DNAH8: variants seen among roughly 807,000 people sequenced by gnomAD.
DNAH8 encodes dynein axonemal heavy chain 8, also known as axonemal beta dynein heavy chain 8.
Under a neutral mutation model 562.1 loss-of-function variants are expected in DNAH8, and 382 were observed. That is an observed-to-expected ratio of 0.68 (90% CI 0.63 to 0.74). The LOEUF (loss-of-function observed/expected upper bound fraction) is 0.74. Among genes scored for constraint, DNAH8 ranks in the 30% least tolerant of loss-of-function variants. The pLI, the probability that DNAH8 is intolerant of heterozygous loss-of-function variation, is 0.00. For missense variants in DNAH8, 5,203 were observed against 5,620.4 expected (o/e 0.93, Z 2.37); for synonymous variants, 1,881 against 1,919.4 (o/e 0.98, Z 0.52).
chr6:38,782,993 T>A lies in DNAH8; in HGVS notation c.2260-11T>A, dbSNP rs1370878423. On this transcript the variant is annotated splice_polypyrimidine_tract_variant and intron_variant, in intron 16 of 92. Transcript: ENST00000327475. ...GTCTTTTAAAGTAAATCTTTTCCCT[T>A]AAAAAAACAGAAAAACTCAGACATT... 10 of 1,608,758 alleles carry A rather than the reference T, an allele frequency of 6.2e-6. No individual in the cohort carries two copies. In the Middle Eastern group the frequency reaches 6.6e-4, roughly 106 times the overall value.
At chr6:38,842,965 G>T (rs1405705750) in intron 35 of DNAH8, 62 bp downstream of exon 35, 3 of 1,565,006 alleles carry the variant, frequency 1.9e-6, no homozygotes, top group Admixed American at 3.5e-5. Context: ...TTTCTTTTCT[G>T]GGAGTTGTAC....
At position 39,020,176 on chromosome 6, in the gene DNAH8, G is replaced by A. The variant is rs1766818828; in HGVS notation, c.13715-6370G>A. 3.9e-5 allele frequency among the ~76,000 whole-genome samples: 6 copies of A among 152,114 alleles called. No homozygotes were observed. The South Asian group carries it at 1.2e-3, about 32-fold the overall frequency. ...TAGTCCCAACTCTCCTGTTTATACC[G>A]AAGTTTTACTGGAGCCAATTATGTC... On this transcript the variant is annotated intron_variant, in intron 91 of 92. Coordinates refer to ENST00000327475, the MANE Select transcript of DNAH8 (RefSeq NM_001206927.2).
chr6:38,908,472 A>G (rs751426761), intron 64 of DNAH8, among the ~76,000 whole-genome samples: 4 of 152,116 alleles, frequency 2.6e-5, no homozygotes, highest in Admixed American at 1.3e-4. Context: ...GAAAATCTCT[A>G]TCTCATTGTG....
At chr6:38,801,192 T>G (rs1019695150) in intron 21 of DNAH8, among the ~76,000 whole-genome samples, 1 of 152,230 alleles carries the variant, frequency 6.6e-6, no homozygotes. Context: ...TTCTGAAATT[T>G]TACGTCTATA....
intron 21 of DNAH8, among the ~76,000 whole-genome samples, chr6:38,801,434 A>G (rs776241857): frequency 6.6e-6 from 1 of 152,200 alleles, no homozygotes; most frequent in Non-Finnish European, 1.5e-5. Context: ...TGGATATATC[A>G]TGGGGATGCC....
chr6:38,889,084 T>C (rs572223167), intron 57 of DNAH8, among the ~76,000 whole-genome samples: 8 of 152,332 alleles, frequency 5.3e-5, no homozygotes, highest in African/African-American at 1.9e-4. Flanking sequence ...AAAATGCTCA[T>C]AGTGCAGCGT....
At position 38,911,487 on chromosome 6, in the gene DNAH8, G is replaced by T; in HGVS notation, c.9760G>T (p.Val3254Leu). The change falls in exon 66 of 93, where the codon GTG becomes TTG. Residue 3254 changes from valine to leucine, a missense_variant. By Grantham distance (32) the Val-to-Leu change is conservative. Around this residue, in one of 6 missense-constraint regions of DNAH8, gnomAD observed 977 missense variants for 1,061.8 expected, o/e 0.92. Transcript: ENST00000327475. ...TTTCAGATACCGCCGAAGAGCACAT[G>T]TGACTCCCAAATCTTACCTCTCATT... ...YFQRYRRRAH[V>L]TPKSYLSFIN... 1 of 1,613,380 alleles carries T rather than the reference G, an allele frequency of 6.2e-7. No homozygotes were observed. The highest frequency in any genetic ancestry group is 8.5e-7 in the Non-Finnish European group (1 of 1,179,382).
chr6:38,820,472 A>C (rs1002851278), intron 26 of DNAH8, among the ~76,000 whole-genome samples: 6 of 152,346 alleles, frequency 3.9e-5, no homozygotes, highest in Non-Finnish European at 7.4e-5. Context: ...AGAATAAAAC[A>C]GCACAATATA....
At chr6:38,774,802 T>G (rs2127629175) in intron 12 of DNAH8, among the ~76,000 whole-genome samples, 1 of 152,338 alleles carries the variant, frequency 6.6e-6, no homozygotes. Context: ...ACCCAGATAG[T>G]TCCTGTGTTT....
At chr6:38,955,127 C>T (rs1327342422) in intron 82 of DNAH8, among the ~76,000 whole-genome samples, 2 of 152,040 alleles carry the variant, frequency 1.3e-5, no homozygotes, top group African/African-American at 4.8e-5. Context: ...ACCACTAATC[C>T]TAGCCACATT....
At chr6:38,925,329 ATTTTATTTTAT>A (rs913349449) in intron 73 of DNAH8, among the ~76,000 whole-genome samples, 3 of 131,018 alleles carry the variant, frequency 2.3e-5, no homozygotes, top group Non-Finnish European at 4.9e-5. Flanking sequence ...ATTTTATTTT[ATTTTATTTTAT>A]TTTATTTTTT....
intron 81 of DNAH8, 134 bp downstream of exon 81, chr6:38,949,704 C>A: frequency 4.8e-6 from 3 of 621,270 alleles, no homozygotes; most frequent in Admixed American, 2.7e-5. Context: ...ACTTTTGTGC[C>A]AACCTAATAT....
intron 66 of DNAH8, among the ~76,000 whole-genome samples, chr6:38,912,564 T>A (rs993736169): frequency 6.6e-6 from 1 of 152,194 alleles, no homozygotes; most frequent in South Asian, 2.1e-4. Context: ...GAAGGCTTCT[T>A]CTGCGGTTTT....
intron 25 of DNAH8, among the ~76,000 whole-genome samples, chr6:38,815,016 C>T (rs565900795): frequency 1.3e-5 from 2 of 152,302 alleles, no homozygotes; most frequent in Admixed American, 6.5e-5. Flanking sequence ...GTCTGACCTC[C>T]TGAAGGATAC....
intron 57 of DNAH8, among the ~76,000 whole-genome samples, chr6:38,887,756 C>A (rs772677908): frequency 6.6e-6 from 1 of 151,512 alleles, no homozygotes; most frequent in African/African-American, 2.4e-5. Context: ...CTTACATACA[C>A]GAGAAACAGA....
intron 10 of DNAH8, among the ~76,000 whole-genome samples, chr6:38,757,599 A>G (rs1318303589): frequency 6.6e-6 from 1 of 152,028 alleles, no homozygotes; most frequent in South Asian, 2.1e-4. Flanking sequence ...CCTTGCCCAT[A>G]CCTATGCTCT....
At chr6:38,872,119 C>T (rs186772520) in intron 49 of DNAH8, among the ~76,000 whole-genome samples, 2 of 152,240 alleles carry the variant, frequency 1.3e-5, no homozygotes, top group East Asian at 1.9e-4. Flanking sequence ...ATTAGAAGGC[C>T]CCTTTGAAAC....
chr6:38,829,853 A>T (rs1773679052), intron 30 of DNAH8, among the ~76,000 whole-genome samples: 1 of 152,208 alleles, frequency 6.6e-6, no homozygotes, highest in Admixed American at 6.5e-5. Flanking sequence ...ACCAATCTCC[A>T]GAACTTGCAA....
intron 87 of DNAH8, among the ~76,000 whole-genome samples, chr6:38,989,022 ACT>A (rs1246060177): frequency 2.0e-5 from 3 of 152,168 alleles, no homozygotes; most frequent in African/African-American, 7.2e-5. Flanking sequence ...CTGGTTCTAA[ACT>A]CAGCCTGCTC....
Sources: allele counts gnomAD v4.1 joint callset (sites outside exome capture counted in the v4.1 genomes callset), GRCh38; gene constraint gnomAD v4.1.1; regional missense constraint gnomAD v4.1.1; transcripts MANE v1.5; gene names NCBI Gene and HGNC (gene_info 2026-07-23, HGNC 2026-07-21).